Variants in TXLNB observed in about 807,000 individuals in gnomAD.
The protein encoded by TXLNB is beta-taxilin.
A neutral mutation model predicts 57.4 loss-of-function variants in TXLNB; 37 were observed. The ratio of observed to expected loss-of-function variants is 0.64; its 90% confidence interval spans 0.50 to 0.85. TXLNB has a LOEUF of 0.85. Ranked by LOEUF, TXLNB falls within the 40% of genes least tolerant of loss-of-function variation. TXLNB has a pLI of 0.00. For missense variants in TXLNB, 848 were observed against 825.6 expected (o/e 1.03, Z -0.33); for synonymous variants, 302 against 309.6 (o/e 0.98, Z 0.26).
chr6:139,177,237 A>C, the TXLNB span: 1 of 595,048 alleles, frequency 1.7e-6, no homozygotes, highest in Non-Finnish European at 2.9e-6. This position sits in a 1 kb window ranked among gnomAD's most constrained non-coding sequence, Gnocchi z 4.9. Context: ...TATGTGTGCC[A>C]CTAAAATAGG....
At chr6:139,282,421 A>C (rs1467577300) in intron 2 of TXLNB, among the ~76,000 whole-genome samples, 1 of 144,888 alleles carries the variant, frequency 6.9e-6, no homozygotes, top group Non-Finnish European at 1.5e-5. Context: ...TACTAAAAAT[A>C]TAAAAATTGG....
intron 1 of TXLNB, among the ~76,000 whole-genome samples, chr6:139,289,337 C>A (rs1777254354): frequency 6.6e-6 from 1 of 152,112 alleles, no homozygotes; most frequent in South Asian, 2.1e-4. Flanking sequence ...GTACCCCCTG[C>A]TTGCTCAATC....
the TXLNB span, among the ~76,000 whole-genome samples, chr6:139,226,584 A>T: frequency 6.6e-6 from 1 of 152,224 alleles, no homozygotes; most frequent in Non-Finnish European, 1.5e-5. Flanking sequence ...ATAAAGCATT[A>T]CTACACATGA....
chr6:139,306,650 A>G, the TXLNB span, among the ~76,000 whole-genome samples: 2 of 152,202 alleles, frequency 1.3e-5, no homozygotes, highest in African/African-American at 4.8e-5. Context: ...TGTTCCTCAT[A>G]TGATATAGTC....
At chr6:139,198,533 T>C in the TXLNB span, among the ~76,000 whole-genome samples, 5 of 152,184 alleles carry the variant, frequency 3.3e-5, no homozygotes, top group South Asian at 2.1e-4. Flanking sequence ...TTGGTTATTT[T>C]CCTTTTGCAG....
the TXLNB span, among the ~76,000 whole-genome samples, chr6:139,312,829 G>C: frequency 1.3e-5 from 2 of 152,176 alleles, no homozygotes; most frequent in African/African-American, 4.8e-5. Flanking sequence ...GAGGATGACT[G>C]TAAGTCCTTA....
chr6:139,174,612 G>A, the TXLNB span: 1 of 1,550,228 alleles, frequency 6.5e-7, no homozygotes, highest in Non-Finnish European at 8.7e-7. Context: ...TAGGGAAGAT[G>A]CGTCTGGCAA....
downstream of TXLNB, among the ~76,000 whole-genome samples, chr6:139,235,128 C>T (rs1775821705): frequency 6.6e-6 from 1 of 152,200 alleles, no homozygotes; most frequent in Admixed American, 6.5e-5. Context: ...CCGGCCTGTG[C>T]CCACAGACCT....
intron 3 of TXLNB, among the ~76,000 whole-genome samples, chr6:139,273,848 A>G (rs1435365313): frequency 6.6e-6 from 1 of 152,234 alleles, no homozygotes. Flanking sequence ...AATTCAGCCA[A>G]TATTCAAGTG....
the TXLNB span, chr6:139,177,312 G>T: frequency 2.4e-6 from 1 of 413,950 alleles, no homozygotes; most frequent in Non-Finnish European, 4.4e-6. The surrounding 1 kb of genome is among the most constrained non-coding windows in gnomAD (Gnocchi z 4.9). Context: ...GCCCAGATGG[G>T]TAATCCTGTG....
At chr6:139,203,011 CT>C in the TXLNB span, among the ~76,000 whole-genome samples, 2 of 152,158 alleles carry the variant, frequency 1.3e-5, no homozygotes, top group Non-Finnish European at 2.9e-5. Context: ...ATTCATGTTG[CT>C]GTGAAAGACT....
In TXLNB at chr6:139,242,635, T is replaced by G; in HGVS notation, c.1946A>C (p.Glu649Ala). 1 of 1,605,376 alleles carries G rather than the reference T, an allele frequency of 6.2e-7. No homozygotes were observed. Among genetic ancestry groups the G allele is most frequent in the Non-Finnish European group, 8.5e-7 (1 of 1,176,122 alleles). Residue 649 changes from glutamate to alanine, a missense_variant, in exon 10 of 10, where the codon GAG becomes GCG. Glu to Ala is a moderately radical substitution (Grantham distance 107, BLOSUM62 -1). Transcript: ENST00000358430. ...EHVAAMVPAC[E>A]PSRQPPRAAA... The stretch of plus-strand genomic sequence containing the variant: ...TGCTCGTGGGGGCTGCCTACTGGGC[T>G]CGCATGCAGGCACCATGGCTGCAAC...
At chr6:139,252,592 G>A (rs1207590652) in intron 7 of TXLNB, among the ~76,000 whole-genome samples, 1 of 152,202 alleles carries the variant, frequency 6.6e-6, no homozygotes, top group Non-Finnish European at 1.5e-5. Flanking sequence ...ACTTAGCTTA[G>A]GGCCACACTT....
chr6:139,203,986 C>T, the TXLNB span, among the ~76,000 whole-genome samples: 8 of 152,118 alleles, frequency 5.3e-5, no homozygotes, highest in African/African-American at 1.9e-4. Context: ...CTCTAAACTT[C>T]AAGTGCATCT....
At chr6:139,210,861 C>T in the TXLNB span, among the ~76,000 whole-genome samples, 27 of 152,282 alleles carry the variant, frequency 1.8e-4, no homozygotes, top group African/African-American at 3.6e-4. Flanking sequence ...GAGGGTCCTA[C>T]GCCCACGGAG....
intron 9 of TXLNB, among the ~76,000 whole-genome samples, chr6:139,243,960 C>T (rs1351618265): frequency 6.6e-6 from 1 of 152,082 alleles, no homozygotes; most frequent in Non-Finnish European, 1.5e-5. Flanking sequence ...CTTCACCTCA[C>T]CTCTGAGCTA....
At chr6:139,315,625 A>G in the TXLNB span, among the ~76,000 whole-genome samples, 1 of 152,386 alleles carries the variant, frequency 6.6e-6, no homozygotes, top group Non-Finnish European at 1.5e-5. Context: ...TAGAATATTT[A>G]TAATATCCCA....
the TXLNB span, among the ~76,000 whole-genome samples, chr6:139,189,073 C>T: frequency 6.6e-6 from 1 of 152,148 alleles, no homozygotes; most frequent in South Asian, 2.1e-4. Context: ...TCTTTAACCT[C>T]GTATTCTATG....
rs765037075 is a variant in TXLNB at position 139,288,599 on chromosome 6, C to T, written c.301G>A (p.Asp101Asn). 6.2e-7 allele frequency: 1 copy of T among 1,614,218 alleles called. No homozygotes were observed. Among genetic ancestry groups the T allele is most frequent in the Non-Finnish European group, 8.5e-7 (1 of 1,180,034 alleles). ...NAESPDNEDG[D>N]CEETTEEAGR... ...GCCTCTTCAGTTGTTTCCTCACAGT[C>T]CCCATCCTCGTTGTCAGGTGATTCT... is the stretch of plus-strand genomic sequence containing the variant. Residue 101 changes from aspartate (D) to asparagine (N), a missense_variant, in exon 2 of 10, where the codon GAC (aspartate) becomes AAC (asparagine). By Grantham distance (23) the Asp-to-Asn change is conservative. Transcript: ENST00000358430.
Sources: gnomAD v4.1 joint callset for allele counts (sites outside exome capture counted in the v4.1 genomes callset) on GRCh38, gnomAD v4.1.1 for gene constraint, Gnocchi (gnomAD v3.1) non-coding constraint, MANE v1.5 for transcripts, NCBI Gene and HGNC (gene_info 2026-07-23, HGNC 2026-07-21) for gene names.